The following MKRN1 variants were observed in gnomAD, a reference collection of about 807,000 sequenced individuals.
The protein encoded by MKRN1 is E3 ubiquitin-protein ligase makorin-1.
Under a neutral mutation model 55.5 loss-of-function variants are expected in MKRN1, and 9 were observed. The observed-to-expected ratio is 0.16, with a 90% confidence interval of 0.10 to 0.28. MKRN1 has a LOEUF of 0.28. MKRN1 is among the 10% of genes least tolerant of loss of function. The probability of loss-of-function intolerance (pLI) is 1.00; values close to 1 mark genes in which losing one functional copy is unlikely to be tolerated. For synonymous variants in MKRN1, 253 were observed against 235.9 expected (o/e 1.07, Z -0.66); for missense variants, 488 against 626.7 (o/e 0.78, Z 2.36).
intron 2 of MKRN1, among the ~76,000 whole-genome samples, chr7:140,469,042 A>G (rs1794846451): frequency 6.6e-6 from 1 of 152,128 alleles, no homozygotes. Context: ...AAAATTGACT[A>G]TGACTATGGC....
intron 1 of MKRN1, among the ~76,000 whole-genome samples, chr7:140,474,852 G>GGGATT (rs1795074209): frequency 6.6e-6 from 1 of 151,648 alleles, no homozygotes. Flanking sequence ...CAGAGTGGCT[G>GGGATT]GGATTACAGG....
intron 4 of MKRN1, 25 bp downstream of exon 4, chr7:140,458,980 AAC>A (rs1269670285): frequency 4.4e-6 from 7 of 1,605,748 alleles, no homozygotes; most frequent in Admixed American, 3.3e-5. Context: ...CACATCTAAT[AAC>A]ACACACATCT....
At position 140,476,489 on chromosome 7, in the gene MKRN1, A is replaced by G. The variant is rs1184483900; in HGVS notation, c.185+2671T>C. Among the ~76,000 whole-genome samples the G allele has an allele frequency of 2.1e-3, 316 of 149,148 alleles. 6 individuals carry two copies. The highest frequency in any genetic ancestry group is 7.2e-3 in the African/African-American group (291 of 40,438). On this transcript the variant is annotated intron_variant, in intron 1 of 7. Coordinates refer to ENST00000255977, the MANE Select transcript of MKRN1 (RefSeq NM_013446.4). Reference sequence around the variant, plus strand: ...TCCATCTCAAAAAAAAAAAAAAAAAAGGAAGATACACATGTGTTCTGTTAA... The same window carrying G: ...TCCATCTCAAAAAAAAAAAAAAAAAGGGAAGATACACATGTGTTCTGTTAA...
chr7:140,475,360 A>G, intron 1 of MKRN1: 1 of 360,406 alleles, frequency 2.8e-6, no homozygotes. Flanking sequence ...AAACAAACAA[A>G]CAAAACACAA....
chr7:140,456,940 TCA>T (rs1794482420), intron 4 of MKRN1, 74 bp from the exon 5 acceptor site: 2 of 1,402,518 alleles, frequency 1.4e-6, no homozygotes, highest in South Asian at 2.5e-5. Context: ...AGTTAATGAT[TCA>T]CAGTCAAAGA....
At chr7:140,455,664 A>T (rs1213905309) in intron 6 of MKRN1, 126 bp downstream of exon 6, 1 of 714,208 alleles carries the variant, frequency 1.4e-6, no homozygotes, top group Non-Finnish European at 2.4e-6. Flanking sequence ...TGACAAAATA[A>T]ACTGTCCTGG....
chr7:140,470,918 TCACA>T (rs927018560), intron 2 of MKRN1, among the ~76,000 whole-genome samples: 1 of 150,442 alleles, frequency 6.6e-6, no homozygotes, highest in African/African-American at 2.4e-5. Context: ...AGACTCGGTC[TCACA>T]CACACAAAAA....
chr7:140,459,574 C>T (rs992570751), intron 3 of MKRN1, 133 bp downstream of exon 3: 3 of 851,490 alleles, frequency 3.5e-6, no homozygotes, highest in African/African-American at 3.4e-5. Flanking sequence ...TTAGGTAATC[C>T]AAATTAAAGT....
chr7:140,479,102 G>T, intron 1 of MKRN1, 58 bp downstream of exon 1: 2 of 1,261,342 alleles, frequency 1.6e-6, no homozygotes, highest in Non-Finnish European at 9.9e-7. Context: ...CTCCCGCGCC[G>T]CAGGCTTGGC....
intron 1 of MKRN1, chr7:140,472,531 A>C (rs1794959228): frequency 6.6e-6 from 1 of 152,430 alleles, no homozygotes; most frequent in South Asian, 2.1e-4. Context: ...CTGGGACTAC[A>C]GGCGCCGCCA....
chr7:140,463,772 C>T (rs1217071693), intron 2 of MKRN1, among the ~76,000 whole-genome samples: 1 of 151,996 alleles, frequency 6.6e-6, no homozygotes, highest in South Asian at 2.1e-4. Context: ...GTAGTCCCAG[C>T]TACTCGGGAG....
At chr7:140,461,306 C>A (rs1351518690) in intron 2 of MKRN1, among the ~76,000 whole-genome samples, 4 of 152,178 alleles carry the variant, frequency 2.6e-5, no homozygotes, top group South Asian at 2.1e-4. Flanking sequence ...TAAACCACCA[C>A]CATCTCCAAA....
At chr7:140,478,347 T>C (rs891342168) in intron 1 of MKRN1, 1 of 152,212 alleles carries the variant, frequency 6.6e-6, no homozygotes, top group African/African-American at 2.4e-5. Context: ...TTTTCTAATA[T>C]TTTCGTCTCG....
In MKRN1 at chr7:140,454,062, G is replaced by A. The variant is rs1483933368; in HGVS notation, c.*455C>T. Reference sequence around the variant, plus strand: ...AAACACAGATGTGCAGATTTCACCAGAAACCTCAAGGATCCACATCCCATG... The same window carrying A: ...AAACACAGATGTGCAGATTTCACCAAAAACCTCAAGGATCCACATCCCATG... On this transcript the variant is annotated 3_prime_UTR_variant, in exon 8 of 8. Coordinates refer to ENST00000255977, the MANE Select transcript of MKRN1 (RefSeq NM_013446.4). 5.2e-6 allele frequency: 1 copy of A among 193,192 alleles called. No individual in the cohort carries two copies. Among genetic ancestry groups the A allele is most frequent in the Non-Finnish European group, 1.1e-5 (1 of 90,834 alleles). 12.0% of individuals were successfully genotyped at this position (193,192 alleles called of 1,614,324 possible).
chr7:140,459,586 C>A, intron 3 of MKRN1, 121 bp downstream of exon 3: 1 of 930,248 alleles, frequency 1.1e-6, no homozygotes, highest in Non-Finnish European at 1.6e-6. Context: ...AATTAAAGTA[C>A]TGTACTAAGA....
In MKRN1 at chr7:140,459,717, G is replaced by A. The variant is rs1250989492; in HGVS notation, c.534C>T (p.Tyr178=). The part of the protein sequence containing the change: ...NAIEFVPGQP[Y]CGRTAPSCTE... Reference sequence around the variant, plus strand: ...CTTCAGAATACTTACTACGGCCACAGTAGGGTTGCCCAGGAACAAACTCAA... The same window carrying A: ...CTTCAGAATACTTACTACGGCCACAATAGGGTTGCCCAGGAACAAACTCAA... The change falls in exon 3 of 8, where the codon TAC becomes TAT. Residue 178 remains tyrosine, a synonymous_variant. Transcript: ENST00000255977. 6.2e-6 allele frequency: 10 copies of A among 1,613,704 alleles called. No homozygotes were observed. Among genetic ancestry groups the A allele is most frequent in the Non-Finnish European group, 7.6e-6 (9 of 1,179,760 alleles).
At chr7:140,454,765 T>C (rs1490806437) in intron 7 of MKRN1, 36 bp from the exon 8 acceptor site, 1 of 1,590,148 alleles carries the variant, frequency 6.3e-7, no homozygotes, top group Admixed American at 1.7e-5. Flanking sequence ...GATGGCACTG[T>C]CGAGCAGTAT....
intron 2 of MKRN1, among the ~76,000 whole-genome samples, chr7:140,461,013 G>A (rs1794602276): frequency 6.6e-6 from 1 of 152,182 alleles, no homozygotes; most frequent in Admixed American, 6.5e-5. Flanking sequence ...CTCTAATTAG[G>A]AGTTTCAGAT....
chr7:140,454,468 C>T lies in MKRN1; in HGVS notation c.*49G>A. 2 of 1,542,576 alleles carry T rather than the reference C, an allele frequency of 1.3e-6. No homozygotes were observed. Among genetic ancestry groups the T allele is most frequent in the Non-Finnish European group, 1.8e-6 (2 of 1,126,654 alleles). On this transcript the variant is annotated 3_prime_UTR_variant, in exon 8 of 8. Coordinates refer to ENST00000255977, the MANE Select transcript of MKRN1 (RefSeq NM_013446.4). The stretch of plus-strand genomic sequence containing the variant: ...GGCACTGCCACACCACCACAGGGGA[C>T]AGCTGCTGTCTGAGGTCAGCAGACC...
Sources: allele counts gnomAD v4.1 joint callset (sites outside exome capture counted in the v4.1 genomes callset), GRCh38; gene constraint gnomAD v4.1.1; transcripts MANE v1.5; gene names NCBI Gene and HGNC (gene_info 2026-07-23, HGNC 2026-07-21).